The following KMT2C variants were observed in gnomAD, a reference collection of about 807,000 sequenced individuals.
KMT2C encodes the protein lysine methyltransferase 2C.
In KMT2C, 88 loss-of-function variants were observed where a neutral mutation model predicts 507.9. That is an observed-to-expected ratio of 0.17 (90% CI 0.15 to 0.21). The LOEUF is 0.21. Among genes scored for constraint, KMT2C ranks in the 10% least tolerant of loss-of-function variants. The probability of loss-of-function intolerance (pLI) is 1.00; values close to 1 mark genes in which losing one functional copy is unlikely to be tolerated. For synonymous variants in KMT2C, 2,049 were observed against 2,080.8 expected (o/e 0.98, Z 0.42); for missense variants, 4,954 against 5,957.8 (o/e 0.83, Z 5.55).
At chr7:152,297,197 C>T (rs1246670906) in intron 6 of KMT2C, among the ~76,000 whole-genome samples, 2 of 151,808 alleles carry the variant, frequency 1.3e-5, no homozygotes, top group African/African-American at 4.8e-5. Context: ...AAGAGGTGAG[C>T]CCTACATATG....
intron 6 of KMT2C, among the ~76,000 whole-genome samples, chr7:152,288,809 A>G (rs1435191098): frequency 4.7e-4 from 72 of 152,240 alleles, no homozygotes; most frequent in African/African-American, 1.7e-3. Context: ...CACCTTATCC[A>G]CAGATGAAAA....
At chr7:152,304,654 C>G (rs1448133067) in intron 6 of KMT2C, among the ~76,000 whole-genome samples, 1 of 152,102 alleles carries the variant, frequency 6.6e-6, no homozygotes, top group Non-Finnish European at 1.5e-5. Context: ...GAAAATAGAG[C>G]TAGGTATCAG....
intron 1 of KMT2C, chr7:152,367,446 G>T: frequency 1.4e-6 from 1 of 738,814 alleles, no homozygotes; most frequent in South Asian, 1.6e-5. Context: ...TGGAACTCCT[G>T]AGCTCAAACA....
intron 6 of KMT2C, among the ~76,000 whole-genome samples, chr7:152,293,985 A>C (rs1588974488): frequency 1.3e-5 from 2 of 150,188 alleles, no homozygotes; most frequent in East Asian, 3.9e-4. Context: ...CAACCTCTTG[A>C]GTAGCTGAGA....
intron 6 of KMT2C, among the ~76,000 whole-genome samples, chr7:152,279,425 G>C (rs2096157644): frequency 6.6e-6 from 1 of 152,104 alleles, no homozygotes; most frequent in African/African-American, 2.4e-5. Context: ...TATAATCCAT[G>C]AGATTCACAA....
chr7:152,320,693 T>C (rs1054553772), intron 3 of KMT2C, among the ~76,000 whole-genome samples: 3 of 152,072 alleles, frequency 2.0e-5, no homozygotes, highest in Admixed American at 6.5e-5. Flanking sequence ...AAATTAAGTA[T>C]TGAACATCTT....
intron 14 of KMT2C, among the ~76,000 whole-genome samples, chr7:152,243,017 T>C (rs1285870031): frequency 6.6e-6 from 1 of 152,158 alleles, no homozygotes; most frequent in African/African-American, 2.4e-5. Context: ...GAGTTTACAG[T>C]TTGTCTTTTT....
intron 1 of KMT2C, among the ~76,000 whole-genome samples, chr7:152,360,634 G>GA (rs2097189303): frequency 6.6e-6 from 1 of 151,918 alleles, no homozygotes; most frequent in Non-Finnish European, 1.5e-5. Context: ...GGGAGTTCGA[G>GA]ACCAGCCTGA....
chr7:152,337,774 T>C (rs1264174203), intron 2 of KMT2C, among the ~76,000 whole-genome samples: 2 of 151,932 alleles, frequency 1.3e-5, no homozygotes, highest in African/African-American at 4.8e-5. Context: ...TGTAGTGATG[T>C]AGCTGCTATT....
intron 6 of KMT2C, among the ~76,000 whole-genome samples, chr7:152,278,940 T>C (rs1383344876): frequency 6.6e-6 from 1 of 152,310 alleles, no homozygotes; most frequent in Non-Finnish European, 1.5e-5. Flanking sequence ...ATAACAATGA[T>C]CGGGTTTGAT....
At chr7:152,389,155 T>C (rs1426780286) in intron 1 of KMT2C, among the ~76,000 whole-genome samples, 1 of 152,172 alleles carries the variant, frequency 6.6e-6, no homozygotes, top group East Asian at 1.9e-4. Flanking sequence ...GTGCTGGGAT[T>C]ACAGGCATGA....
At chr7:152,360,939 A>AT (rs199679109) in intron 1 of KMT2C, among the ~76,000 whole-genome samples, 3,681 of 149,356 alleles carry the variant, frequency 0.025, 154 homozygotes, top group African/African-American at 0.089. Flanking sequence ...TTAACCAAAA[A>AT]TAAAAAAAAG....
chr7:152,349,298 GC>G (rs1484430066), intron 2 of KMT2C, among the ~76,000 whole-genome samples: 2 of 151,928 alleles, frequency 1.3e-5, no homozygotes, highest in Admixed American at 6.6e-5. Flanking sequence ...ATACAAAATA[GC>G]CAGGTGTGGT....
intron 2 of KMT2C, among the ~76,000 whole-genome samples, chr7:152,340,249 A>G (rs1167330836): frequency 6.6e-6 from 1 of 151,620 alleles, no homozygotes; most frequent in African/African-American, 2.4e-5. Flanking sequence ...CAGCCTCCCA[A>G]AGTGCTAGAA....
In KMT2C at chr7:152,195,888, A is replaced by G; in HGVS notation, c.4378+19T>C. 1 of 1,369,392 alleles carries G rather than the reference A, an allele frequency of 7.3e-7. No individual in the cohort carries two copies. The highest frequency in any genetic ancestry group is 1.4e-5 in the African/African-American group (1 of 69,268). 84.8% of individuals were successfully genotyped at this position (1,369,392 alleles called of 1,614,324 possible). A position where few individuals can be genotyped will look rare whatever the true frequency, so the allele number is the denominator to read the frequency against. On this transcript the variant is annotated intron_variant, in intron 28 of 58. Transcript: ENST00000262189. ...TCACATCAGAAACCAGAAAAAGGGTAAACAGTATTCATATATACCTGAATG... is the reference window on the plus strand; with the variant it reads ...TCACATCAGAAACCAGAAAAAGGGTGAACAGTATTCATATATACCTGAATG...
Position 152,163,418 on chromosome 7 carries a change from C to T in KMT2C, c.10159G>A (p.Asp3387Asn). 1.9e-6 allele frequency: 3 copies of T among 1,614,206 alleles called. No individual in the cohort carries two copies. Among genetic ancestry groups the T allele is most frequent in the Non-Finnish European group, 2.5e-6 (3 of 1,180,054 alleles). The change falls in exon 43 of 59, where the codon GAC becomes AAC. Residue 3387 changes from aspartate to asparagine, a missense_variant. Physicochemically the swap from Asp to Asn is conservative, Grantham distance 23. Around this residue, in one of 29 missense-constraint regions of KMT2C, gnomAD observed 801 missense variants for 751.2 expected, o/e 1.07. Transcript: ENST00000262189. The stretch of plus-strand genomic sequence containing the variant: ...AAACTTTCACTAAAGGGATTGTTGT[C>T]ATCAAATTCTACCCGAGGTGGTGGT... ...SGPPPRVEFD[D>N]NNPFSESFQE...
At chr7:152,421,841 A>G (rs1183412356) in intron 1 of KMT2C, among the ~76,000 whole-genome samples, 2 of 152,178 alleles carry the variant, frequency 1.3e-5, no homozygotes, top group Non-Finnish European at 2.9e-5. Flanking sequence ...AGCGACACGC[A>G]ATGTGCCCAT....
In KMT2C at chr7:152,136,602, C is replaced by CATT; in HGVS notation, c.*227_*229dup. The stretch of plus-strand genomic sequence containing the variant: ...AGAAAAAAAAGCAAAAGTGCTGGAC[C>CATT]ATTCTGTGATTCCGTTTAACCTCGG... On this transcript the variant is annotated 3_prime_UTR_variant, in exon 59 of 59. Transcript: ENST00000262189. 2 of 517,026 alleles carry CATT rather than the reference C, an allele frequency of 3.9e-6. No individual in the cohort carries two copies. Among genetic ancestry groups the CATT allele is most frequent in the Non-Finnish European group, 6.9e-6 (2 of 290,536 alleles). 32.0% of individuals were successfully genotyped at this position (517,026 alleles called of 1,614,324 possible). A position where few individuals can be genotyped will look rare whatever the true frequency, so the allele number is the denominator to read the frequency against.
intron 7 of KMT2C, among the ~76,000 whole-genome samples, chr7:152,266,082 A>G (rs1374430932): frequency 6.6e-6 from 1 of 152,298 alleles, no homozygotes; most frequent in East Asian, 1.9e-4. Flanking sequence ...AACAAGTATC[A>G]CAAAGTATAT....
Sources: allele counts gnomAD v4.1 joint callset (sites outside exome capture counted in the v4.1 genomes callset), GRCh38; gene constraint gnomAD v4.1.1; regional missense constraint gnomAD v4.1.1; transcripts MANE v1.5; gene names NCBI Gene and HGNC (gene_info 2026-07-23, HGNC 2026-07-21).